PTPRD: variants seen among roughly 807,000 people sequenced by gnomAD.
The protein encoded by PTPRD is receptor-type tyrosine-protein phosphatase delta.
A neutral mutation model predicts 214.5 loss-of-function variants in PTPRD; 34 were observed. The ratio of observed to expected loss-of-function variants is 0.16; its 90% confidence interval spans 0.12 to 0.21. The LOEUF (loss-of-function observed/expected upper bound fraction) is 0.21. Among genes scored for constraint, PTPRD ranks in the 10% least tolerant of loss-of-function variants. PTPRD has a pLI of 1.00. For synonymous variants in PTPRD, 1,128 were observed against 845.7 expected (o/e 1.33, Z -5.79); for missense variants, 2,545 against 2,398.7 (o/e 1.06, Z -1.27).
At chr9:9,651,928 G>C (rs895333112) in intron 7 of PTPRD, among the ~76,000 whole-genome samples, 1 of 145,990 alleles carries the variant, frequency 6.8e-6, no homozygotes, top group Non-Finnish European at 1.5e-5. Flanking sequence ...TCCGTCTCCT[G>C]GGTTCACACC....
chr9:9,996,878 T>G (rs2096139438), intron 4 of PTPRD, among the ~76,000 whole-genome samples: 1 of 152,184 alleles, frequency 6.6e-6, no homozygotes, highest in Admixed American at 6.5e-5. Context: ...GAGCTGATTT[T>G]CAGAGTTGGC....
chr9:10,512,736 A>C (rs1200915457), intron 2 of PTPRD, among the ~76,000 whole-genome samples: 2 of 152,142 alleles, frequency 1.3e-5, no homozygotes, highest in Non-Finnish European at 2.9e-5. Flanking sequence ...GAAAAATACA[A>C]GCTACCTAAT....
At chr9:10,018,064 T>C (rs549796343) in intron 4 of PTPRD, among the ~76,000 whole-genome samples, 14 of 152,210 alleles carry the variant, frequency 9.2e-5, no homozygotes, top group African/African-American at 3.4e-4. Flanking sequence ...GACTCTTTAC[T>C]TTTGATTAGT....
At chr9:8,713,145 C>A (rs891781599) in intron 12 of PTPRD, among the ~76,000 whole-genome samples, 1 of 152,172 alleles carries the variant, frequency 6.6e-6, no homozygotes, top group Non-Finnish European at 1.5e-5. Flanking sequence ...ACAACGATAA[C>A]AAAACACAAC....
chr9:8,872,702 ATTCT>A (rs372693861), intron 11 of PTPRD, among the ~76,000 whole-genome samples: 3 of 152,320 alleles, frequency 2.0e-5, no homozygotes, highest in South Asian at 2.1e-4. Context: ...TAAATCTATC[ATTCT>A]TTCTTTCTTA....
chr9:10,169,279 C>G (rs997691939), intron 3 of PTPRD, among the ~76,000 whole-genome samples: 2 of 151,346 alleles, frequency 1.3e-5, no homozygotes, highest in African/African-American at 4.9e-5. Context: ...TCGAGACCAT[C>G]CTGGCTAACA....
At chr9:9,712,912 T>C (rs551424823) in intron 7 of PTPRD, among the ~76,000 whole-genome samples, 15 of 152,330 alleles carry the variant, frequency 9.8e-5, no homozygotes, top group Admixed American at 1.3e-4. Flanking sequence ...AAAGACCTAC[T>C]GTATGTATCC....
At chr9:10,239,835 C>T (rs988315015) in intron 3 of PTPRD, among the ~76,000 whole-genome samples, 1 of 151,848 alleles carries the variant, frequency 6.6e-6, no homozygotes, top group Non-Finnish European at 1.5e-5. Context: ...TGCCTCTTGC[C>T]CCTCAGTCTC....
chr9:10,458,325 C>T (rs1359458859), intron 2 of PTPRD, among the ~76,000 whole-genome samples: 1 of 152,060 alleles, frequency 6.6e-6, no homozygotes, highest in African/African-American at 2.4e-5. Flanking sequence ...AATTCAACAT[C>T]CCATCAAAAG....
intron 10 of PTPRD, among the ~76,000 whole-genome samples, chr9:9,115,196 GC>G (rs1419641690): frequency 1.3e-5 from 2 of 152,284 alleles, no homozygotes; most frequent in East Asian, 3.9e-4. Context: ...GAAGAAGGAA[GC>G]CTACAGGGCA....
intron 37 of PTPRD, among the ~76,000 whole-genome samples, chr9:8,386,855 G>T (rs952574702): frequency 6.6e-6 from 1 of 152,172 alleles, no homozygotes; most frequent in Non-Finnish European, 1.5e-5. Flanking sequence ...GGGAATGATG[G>T]GAGGGAGGAA....
At chr9:10,294,314 A>C (rs1565099300) in intron 3 of PTPRD, among the ~76,000 whole-genome samples, 1 of 151,966 alleles carries the variant, frequency 6.6e-6, no homozygotes, top group Non-Finnish European at 1.5e-5. Flanking sequence ...GGAAGAAAAA[A>C]ATTCCATTAA....
intron 3 of PTPRD, among the ~76,000 whole-genome samples, chr9:10,276,839 T>C (rs2154386588): frequency 6.6e-6 from 1 of 152,328 alleles, no homozygotes; most frequent in East Asian, 1.9e-4. Context: ...AAATTAGAGT[T>C]GTTGGCCAGA....
intron 11 of PTPRD, among the ~76,000 whole-genome samples, chr9:8,918,309 C>T (rs576206002): frequency 2.0e-5 from 3 of 152,020 alleles, no homozygotes; most frequent in East Asian, 1.9e-4. Context: ...GAAAGGGAGA[C>T]AGAACAAGCA....
chr9:9,814,816 T>TTTC (rs1555151920), intron 5 of PTPRD, among the ~76,000 whole-genome samples: 2 of 122,836 alleles, frequency 1.6e-5, no homozygotes, highest in East Asian at 4.5e-4. Flanking sequence ...TTTTTTTTTT[T>TTTC]CGATACAGAA....
At chr9:9,690,720 CTGT>C (rs1416151391) in intron 7 of PTPRD, among the ~76,000 whole-genome samples, 1 of 151,752 alleles carries the variant, frequency 6.6e-6, no homozygotes, top group Non-Finnish European at 1.5e-5. Context: ...ATTGAAGAGC[CTGT>C]TATTTTGCCA....
intron 7 of PTPRD, among the ~76,000 whole-genome samples, chr9:9,586,443 C>T (rs1398075559): frequency 6.6e-6 from 1 of 151,770 alleles, no homozygotes; most frequent in African/African-American, 2.4e-5. Flanking sequence ...GTTTTATGTA[C>T]CAGGCATTTT....
chr9:8,809,446 C>T (rs989815193), intron 11 of PTPRD, among the ~76,000 whole-genome samples: 2 of 152,124 alleles, frequency 1.3e-5, no homozygotes, highest in Non-Finnish European at 2.9e-5. Context: ...GCCAATAACC[C>T]AATAACCAAC....
At chr9:9,333,788 A>G (rs531631289) in intron 9 of PTPRD, among the ~76,000 whole-genome samples, 1 of 151,870 alleles carries the variant, frequency 6.6e-6, no homozygotes, top group Non-Finnish European at 1.5e-5. Context: ...GAAAACACTA[A>G]TTTGTAGATG....
Sources: allele counts gnomAD v4.1 joint callset (sites outside exome capture counted in the v4.1 genomes callset), GRCh38; gene constraint gnomAD v4.1.1; transcripts MANE v1.5; gene names NCBI Gene and HGNC (gene_info 2026-07-23, HGNC 2026-07-21).